Variants in TACR3 observed in about 807,000 individuals in gnomAD.
TACR3 encodes the protein neuromedin-K receptor.
A neutral mutation model predicts 35.0 loss-of-function variants in TACR3; 34 were observed. That is an observed-to-expected ratio of 0.97 (90% confidence interval 0.74 to 1.30). The LOEUF is 1.30. Among genes scored for constraint, TACR3 ranks in the 50% most tolerant of loss-of-function variants. TACR3 has a pLI of 0.00. For missense variants in TACR3, 558 were observed against 591.7 expected, an observed-to-expected ratio of 0.94 and a Z score of 0.59; for synonymous variants, 233 against 221.1, an observed-to-expected ratio of 1.05 and a Z score of -0.48.
chr4:103,717,066 C>G (rs1467463172), intron 1 of TACR3, among the ~76,000 whole-genome samples: 1 of 152,102 alleles, frequency 6.6e-6, no homozygotes, highest in Non-Finnish European at 1.5e-5. Context: ...TGACTGAAAA[C>G]AGCACAGGGT....
chr4:103,645,947 T>C (rs913833687), intron 3 of TACR3, among the ~76,000 whole-genome samples: 10 of 152,004 alleles, frequency 6.6e-5, no homozygotes, highest in African/African-American at 2.4e-4. Context: ...ACCCTGTTCT[T>C]TCTAGTTAGC....
intron 1 of TACR3, among the ~76,000 whole-genome samples, chr4:103,671,300 T>C (rs1726053251): frequency 6.6e-6 from 1 of 151,972 alleles, no homozygotes; most frequent in Non-Finnish European, 1.5e-5. Context: ...ATGCTGGCCC[T>C]AGAGAATGAG....
rs548548527 is a variant in TACR3, at chr4:103,646,127, G to C, written c.888+10067C>G. Reference sequence around the variant, plus strand: ...GGTCAAATTTGAACATACTAGTACTGAGGGCAAAGCTTTGCAGCATGTCCT... The same window carrying C: ...GGTCAAATTTGAACATACTAGTACTCAGGGCAAAGCTTTGCAGCATGTCCT... On this transcript the variant is annotated intron_variant, in intron 3 of 4. Transcript: ENST00000304883. Among the ~76,000 whole-genome samples, 3 of 151,994 alleles carry C rather than the reference G, an allele frequency of 2.0e-5. No individual in the cohort carries two copies. The South Asian group carries it at 6.2e-4, about 31-fold the overall frequency.
At chr4:103,714,765 G>T (rs1723050258) in intron 1 of TACR3, among the ~76,000 whole-genome samples, 1 of 152,074 alleles carries the variant, frequency 6.6e-6, no homozygotes, top group African/African-American at 2.4e-5. Context: ...TAAAAATTTA[G>T]CAGAGTTCAT....
chr4:103,681,575 A>C (rs1722090385), intron 1 of TACR3, among the ~76,000 whole-genome samples: 1 of 152,168 alleles, frequency 6.6e-6, no homozygotes, highest in Admixed American at 6.6e-5. Flanking sequence ...AGACGAAATA[A>C]TCCTAAATGC....
chr4:103,718,616 G>T (rs1723141063), intron 1 of TACR3, among the ~76,000 whole-genome samples: 1 of 152,158 alleles, frequency 6.6e-6, no homozygotes, highest in Non-Finnish European at 1.5e-5. Flanking sequence ...CCAAACCAGT[G>T]TTGGCCTTGG....
chr4:103,653,170 C>T (rs928838723), intron 3 of TACR3, among the ~76,000 whole-genome samples: 1 of 152,042 alleles, frequency 6.6e-6, no homozygotes, highest in African/African-American at 2.4e-5. Flanking sequence ...TAAACTGGAA[C>T]TTTAAAATGT....
chr4:103,658,116 T>TG, intron 2 of TACR3, 99 bp downstream of exon 2: 1 of 1,194,190 alleles, frequency 8.4e-7, no homozygotes, highest in Non-Finnish European at 1.2e-6. Flanking sequence ...GTATGAACCC[T>TG]GGGGGAAATG....
chr4:103,719,615 C>T lies in TACR3; in HGVS notation c.61G>A (p.Ala21Thr), dbSNP rs1233777799. The part of the protein sequence containing the change: ...IDGGGGVGAD[A>T]VNLTASLAAG... ...GCTAGCGAGGCGGTCAGGTTCACGG[C>T]GTCTGCACCCACGCCTCCACCCCCG... Residue 21 changes from alanine to threonine, a missense_variant, in exon 1 of 5, where the codon GCC (alanine) becomes ACC (threonine). By Grantham distance (58) the Ala-to-Thr change is moderately conservative. Coordinates refer to ENST00000304883, the MANE Select transcript of TACR3 (RefSeq NM_001059.3). 1 of 1,613,662 alleles carries T rather than the reference C, an allele frequency of 6.2e-7. No individual in the cohort carries two copies. The highest frequency in any genetic ancestry group is 1.1e-5 in the South Asian group (1 of 91,036).
intron 3 of TACR3, among the ~76,000 whole-genome samples, chr4:103,655,223 G>A (rs549170707): frequency 8.5e-5 from 13 of 152,172 alleles, no homozygotes; most frequent in South Asian, 8.3e-4. Flanking sequence ...AATCCATTTT[G>A]TACATTGCAT....
intron 1 of TACR3, among the ~76,000 whole-genome samples, chr4:103,702,936 G>T (rs1457697874): frequency 6.6e-6 from 1 of 150,556 alleles, no homozygotes; most frequent in African/African-American, 2.4e-5. Flanking sequence ...AGCATTAGGA[G>T]ATATACCTAA....
intron 3 of TACR3, among the ~76,000 whole-genome samples, chr4:103,627,043 G>A (rs1226436537): frequency 1.3e-5 from 2 of 150,746 alleles, no homozygotes; most frequent in East Asian, 3.9e-4. Flanking sequence ...TTAGCTGGGC[G>A]TGGTGGCAGG....
Position 103,587,086 on chromosome 4 carries a change from GGTAGA to G in TACR3, c.*2591_*2595del, listed in dbSNP as rs912215657. The stretch of plus-strand genomic sequence containing the variant: ...TTCATACTGAACTTTAGAAACAGAG[GGTAGA>G]GTAAATTTTGAAGGCAGATTCTTTC... On this transcript the variant is annotated 3_prime_UTR_variant, in exon 5 of 5. Coordinates refer to ENST00000304883, the MANE Select transcript of TACR3 (RefSeq NM_001059.3). 13 of 151,892 alleles carry G rather than the reference GGTAGA, an allele frequency of 8.6e-5. No homozygotes were observed. Among genetic ancestry groups the G allele is most frequent in the African/African-American group, 3.1e-4 (13 of 41,346 alleles). 9.4% of individuals were successfully genotyped at this position (151,892 alleles called of 1,614,324 possible).
intron 1 of TACR3, among the ~76,000 whole-genome samples, chr4:103,698,338 C>G (rs1578262194): frequency 1.3e-5 from 2 of 152,022 alleles, no homozygotes; most frequent in East Asian, 3.9e-4. Context: ...TATAAATACT[C>G]AATTTCATAA....
At chr4:103,642,779 T>C (rs1039157127) in intron 3 of TACR3, among the ~76,000 whole-genome samples, 1 of 151,770 alleles carries the variant, frequency 6.6e-6, no homozygotes, top group Non-Finnish European at 1.5e-5. Context: ...TATGCAACAG[T>C]AATTTATTGC....
At chr4:103,627,518 G>C (rs181405194) in intron 3 of TACR3, among the ~76,000 whole-genome samples, 1 of 151,242 alleles carries the variant, frequency 6.6e-6, no homozygotes, top group Non-Finnish European at 1.5e-5. Context: ...AGCAAGACTC[G>C]GTCAAAAAAA....
rs1161469163 is a variant in TACR3, at chr4:103,719,871, A to C, written c.-196T>G. ...TAAGGGGCAACAGCTGCACTTTCTC[A>C]GAGGCGCTTGCGGCTCTGGCAGGCA... On this transcript the variant is annotated 5_prime_UTR_variant, in exon 1 of 5. Coordinates refer to ENST00000304883, the MANE Select transcript of TACR3 (RefSeq NM_001059.3). 1 of 668,616 alleles carries C rather than the reference A, an allele frequency of 1.5e-6. No homozygotes were observed. Among genetic ancestry groups the C allele is most frequent in the Non-Finnish European group, 2.5e-6 (1 of 399,624 alleles). The allele number at this position is 668,616 out of a possible 1,614,324, so 41.4% of individuals were successfully genotyped here.
In TACR3 at chr4:103,661,150, A is replaced by G. The variant is rs921072114; in HGVS notation, c.549-2747T>C. 2.6e-5 allele frequency among the ~76,000 whole-genome samples: 4 copies of G among 152,180 alleles called. 1 individual carries two copies. The highest frequency in any genetic ancestry group is 7.2e-5 in the African/African-American group (3 of 41,572). Reference sequence around the variant, plus strand: ...AGAGAAATATATATATTTCTCCTCCATGATATATATGTTAGATACTTATGT... The same window carrying G: ...AGAGAAATATATATATTTCTCCTCCGTGATATATATGTTAGATACTTATGT... On this transcript the variant is annotated intron_variant, in intron 1 of 4. Coordinates refer to ENST00000304883, the MANE Select transcript of TACR3 (RefSeq NM_001059.3).
Position 103,617,346 on chromosome 4 carries a change from A to T in TACR3, c.889-25663T>A, listed in dbSNP as rs147547409. On this transcript the variant is annotated intron_variant, in intron 3 of 4. Transcript: ENST00000304883. ...AATGCAAATCTTAGAATAATATCTT[A>T]AATCAATACAAAACATTTCATTTTA... Among the ~76,000 whole-genome samples the T allele has an allele frequency of 4.2e-3, 645 of 152,330 alleles. 4 individuals are homozygous for T. The highest frequency in any genetic ancestry group is 0.014 in the African/African-American group (590 of 41,578).
Sources: allele counts gnomAD v4.1 joint callset (sites outside exome capture counted in the v4.1 genomes callset), GRCh38; gene constraint gnomAD v4.1.1; transcripts MANE v1.5; gene names NCBI Gene and HGNC (gene_info 2026-07-23, HGNC 2026-07-21).